Variants in PDE8B observed in about 807,000 individuals in gnomAD.
PDE8B encodes the protein high affinity cAMP-specific and IBMX-insensitive 3',5'-cyclic phosphodiesterase 8B.
PDE8B carries 26 observed loss-of-function variants against 101.3 expected under a neutral mutation model. The observed-to-expected ratio is 0.26, with a 90% CI of 0.19 to 0.36. PDE8B has a LOEUF of 0.36. Among genes scored for constraint, PDE8B ranks in the 10% least tolerant of loss-of-function variants. The pLI, the probability that PDE8B is intolerant of heterozygous loss-of-function variation, is 1.00. For missense variants in PDE8B, 810 were observed against 1,163.1 expected, an observed-to-expected ratio of 0.70 and a Z score of 4.42; for synonymous variants, 424 against 429.3, an observed-to-expected ratio of 0.99 and a Z score of 0.15.
At chr5:77,404,683 A>C (rs1273494197) in intron 11 of PDE8B, 37 bp from the exon 12 acceptor site, 1 of 1,217,110 alleles carries the variant, frequency 8.2e-7, no homozygotes, top group South Asian at 1.2e-5. Context: ...ATACACGGAA[A>C]ACTAATCACC....
intron 17 of PDE8B, among the ~76,000 whole-genome samples, chr5:77,418,015 T>C (rs1418695967): frequency 1.3e-5 from 2 of 152,190 alleles, no homozygotes; most frequent in African/African-American, 2.4e-5. Flanking sequence ...CTGCTGTAAC[T>C]GTGGCTCAGG....
the PDE8B span, among the ~76,000 whole-genome samples, chr5:77,097,685 T>TTATATATCTATATA: frequency 2.2e-4 from 4 of 18,114 alleles, no homozygotes; most frequent in Non-Finnish European, 5.6e-4. Flanking sequence ...TGTGGAGATT[T>TTATATATCTATATA]TATATATCTA....
chr5:77,310,317 A>G (rs1020762964), intron 1 of PDE8B, among the ~76,000 whole-genome samples: 3 of 152,198 alleles, frequency 2.0e-5, no homozygotes, highest in Non-Finnish European at 2.9e-5. Flanking sequence ...GTCTATTTCA[A>G]TAACAAAAAC....
At chr5:77,102,875 C>T in the PDE8B span, among the ~76,000 whole-genome samples, 1 of 152,196 alleles carries the variant, frequency 6.6e-6, no homozygotes, top group Admixed American at 6.5e-5. Flanking sequence ...TTGAAGAGAC[C>T]CGCTTGGCTG....
chr5:77,137,879 AAGG>A, the PDE8B span, among the ~76,000 whole-genome samples: 7 of 152,158 alleles, frequency 4.6e-5, no homozygotes, highest in Non-Finnish European at 8.8e-5. Flanking sequence ...TGAGAAAGGC[AAGG>A]AGGACACCAA....
chr5:77,201,757 T>C, the PDE8B span, among the ~76,000 whole-genome samples: 1 of 152,200 alleles, frequency 6.6e-6, no homozygotes, highest in Non-Finnish European at 1.5e-5. Context: ...CCCCACCCTT[T>C]TTTTCTGTTT....
rs753944988 is a variant in PDE8B at position 77,427,455 on chromosome 5, A to G, written c.*901A>G. ...TGTTTAAAATTTTTATTAAAATCCAAATTTTCTGGGTGTAAGCCCATGCAG... is the reference window on the plus strand; with the variant it reads ...TGTTTAAAATTTTTATTAAAATCCAGATTTTCTGGGTGTAAGCCCATGCAG... On this transcript the variant is annotated 3_prime_UTR_variant, in exon 22 of 22. Coordinates refer to ENST00000264917, the MANE Select transcript of PDE8B (RefSeq NM_003719.5). 4 of 152,202 alleles carry G rather than the reference A, an allele frequency of 2.6e-5. No homozygotes were observed. Among genetic ancestry groups the G allele is most frequent in the African/African-American group, 7.2e-5 (3 of 41,380 alleles). The allele number at this position is 152,202 out of a possible 1,614,324, so 9.4% of individuals were successfully genotyped here. A position where few individuals can be genotyped will look rare whatever the true frequency, so the allele number is the denominator to read the frequency against.
intron 1 of PDE8B, among the ~76,000 whole-genome samples, chr5:77,225,280 T>C (rs1354947428): frequency 6.6e-6 from 1 of 152,236 alleles, no homozygotes; most frequent in Non-Finnish European, 1.5e-5. Flanking sequence ...CCTAGCATCC[T>C]CCAAAGGTAA....
chr5:77,266,513 G>C (rs950452201), intron 1 of PDE8B, among the ~76,000 whole-genome samples: 6 of 152,170 alleles, frequency 3.9e-5, no homozygotes, highest in African/African-American at 1.2e-4. Context: ...CTTCATTCAG[G>C]CATGAGTCAT....
At chr5:77,422,109 G>T (rs1796774862) in intron 20 of PDE8B, 121 bp downstream of exon 20, 2 of 1,092,724 alleles carry the variant, frequency 1.8e-6, no homozygotes, top group Admixed American at 2.0e-5. Context: ...CTCCTCCCTG[G>T]AAGAAAGCAG....
At chr5:77,125,781 A>G in the PDE8B span, among the ~76,000 whole-genome samples, 37 of 152,316 alleles carry the variant, frequency 2.4e-4, no homozygotes, top group African/African-American at 8.2e-4. Context: ...AAAGTAAAAT[A>G]GAGGTTTCCA....
chr5:77,136,522 A>G, the PDE8B span, among the ~76,000 whole-genome samples: 3 of 152,166 alleles, frequency 2.0e-5, no homozygotes, highest in Admixed American at 6.5e-5. Context: ...TAAAATAGGT[A>G]CCATCCTTGG....
chr5:77,397,546 G>A (rs1791337856), intron 10 of PDE8B, among the ~76,000 whole-genome samples: 1 of 151,934 alleles, frequency 6.6e-6, no homozygotes, highest in Non-Finnish European at 1.5e-5. Context: ...ACAAGGTGGA[G>A]AAGATCTACA....
At position 77,211,173 on chromosome 5, in the gene PDE8B, C is replaced by T. The variant is rs1158104246; in HGVS notation, c.248C>T (p.Ala83Val). The change falls in exon 1 of 22, where the codon GCA becomes GTA. Residue 83 changes from alanine (A) to valine (V), a missense_variant. This residue lies in a region of PDE8B where 159 missense variants were observed against 146.6 expected (regional missense o/e 1.08). Transcript: ENST00000264917. The surrounding 1 kb of genome is among the most constrained non-coding windows in gnomAD (Gnocchi z 4.1). ...GGCAGCGGTAGCAGCGCGGGTTCCG[C>T]AGCCCCCGCCGCGACCACCAGCAGG... ...ELGSGSSAGS[A>V]APAATTSRGR... 2.6e-6 allele frequency: 4 copies of T among 1,535,296 alleles called. No homozygotes were observed. In the South Asian group the frequency reaches 4.8e-5, roughly 18 times the overall value.
At chr5:77,097,600 A>T in the PDE8B span, among the ~76,000 whole-genome samples, 1 of 145,162 alleles carries the variant, frequency 6.9e-6, no homozygotes, top group Non-Finnish European at 1.5e-5. Flanking sequence ...TCATGTTTGC[A>T]GGGTATCATC....
At chr5:77,095,271 G>C in the PDE8B span, among the ~76,000 whole-genome samples, 1 of 152,134 alleles carries the variant, frequency 6.6e-6, no homozygotes, top group African/African-American at 2.4e-5. Context: ...GAAATGCCTT[G>C]AGCATCCCCA....
At chr5:77,101,258 G>A in the PDE8B span, among the ~76,000 whole-genome samples, 2 of 151,728 alleles carry the variant, frequency 1.3e-5, no homozygotes, top group Admixed American at 6.6e-5. Flanking sequence ...GGAGTGAGCC[G>A]CTGCACCAGG....
At chr5:77,247,993 C>G (rs1323983068) in intron 1 of PDE8B, among the ~76,000 whole-genome samples, 1 of 152,202 alleles carries the variant, frequency 6.6e-6, no homozygotes, top group African/African-American at 2.4e-5. Context: ...ACTTCACCCG[C>G]ATGGTGGTGT....
At chr5:77,303,059 A>T (rs1483714189) in intron 1 of PDE8B, among the ~76,000 whole-genome samples, 1 of 152,218 alleles carries the variant, frequency 6.6e-6, no homozygotes, top group African/African-American at 2.4e-5. Context: ...TACTGGAAAA[A>T]TAAAAAGCAT....
Sources: gnomAD v4.1 joint callset for allele counts (sites outside exome capture counted in the v4.1 genomes callset) on GRCh38, gnomAD v4.1.1 for gene constraint, gnomAD v4.1.1 regional missense constraint, Gnocchi (gnomAD v3.1) non-coding constraint, MANE v1.5 for transcripts, NCBI Gene and HGNC (gene_info 2026-07-23, HGNC 2026-07-21) for gene names.